The following SPATA25 variants were observed in gnomAD, a reference collection of about 807,000 sequenced individuals.
SPATA25 encodes spermatogenesis-associated protein 25.
SPATA25 carries 16 observed loss-of-function variants against 16.0 expected under a neutral mutation model. The observed-to-expected ratio is 1.00, with a 90% confidence interval of 0.68 to 1.52. SPATA25 has a LOEUF of 1.52. Among genes scored for constraint, SPATA25 ranks in the 40% most tolerant of loss-of-function variants. The probability of loss-of-function intolerance (pLI) is 0.00; values close to 1 mark genes in which losing one functional copy is unlikely to be tolerated. For synonymous variants in SPATA25, 115 were observed against 118.5 expected, an observed-to-expected ratio of 0.97 and a Z score of 0.19; for missense variants, 285 against 289.2, an observed-to-expected ratio of 0.99 and a Z score of 0.11.
At chr20:45,890,557 T>C (rs778420296), upstream of SPATA25, 9 of 1,611,686 alleles carry the variant, frequency 5.6e-6, no homozygotes, top group Admixed American at 5.0e-5. Context: ...TGCGCAGATA[T>C]GGTTCCACGA....
upstream of SPATA25, chr20:45,888,864 A>C (rs766740148): frequency 6.8e-6 from 11 of 1,614,114 alleles, no homozygotes; most frequent in Non-Finnish European, 9.3e-6. Flanking sequence ...CAGAGTCTGC[A>C]GGGATGGCAC....
At chr20:45,889,625 C>CTTTCT (rs1555831047), upstream of SPATA25, among the ~76,000 whole-genome samples, 170 of 149,220 alleles carry the variant, frequency 1.1e-3, 4 homozygotes, top group East Asian at 2.9e-3. Context: ...CTCTCTCTTT[C>CTTTCT]TTTTTTTTTT....
At chr20:45,888,127 C>T (rs149189132), upstream of SPATA25, among the ~76,000 whole-genome samples, 2,802 of 152,278 alleles carry the variant, frequency 0.018, 94 homozygotes, top group African/African-American at 0.065. Context: ...ATGCAATTCT[C>T]CTGCCTCAGC....
In SPATA25 at chr20:45,886,874, G is replaced by A; in HGVS notation, c.327C>T (p.Ser109=). 3.1e-6 allele frequency: 5 copies of A among 1,614,022 alleles called. No homozygotes were observed. The highest frequency in any genetic ancestry group is 4.2e-6 in the Non-Finnish European group (5 of 1,180,040). ...CACCCAGGTCAGGGGCTCTGCTTCT[G>A]GAGTAGCCATTGTCCCAGCCCAAGC... is the stretch of plus-strand genomic sequence containing the variant. ...LESLGWDNGY[S]RSRAPDLGGP... The change falls in exon 2 of 2, where the codon TCC becomes TCT. Residue 109 remains serine (S), a synonymous_variant. Coordinates refer to ENST00000372519, the MANE Select transcript of SPATA25 (RefSeq NM_080608.4).
At chr20:45,887,489 AG>A in intron 1 of SPATA25, 46 bp downstream of exon 1, 1 of 1,585,316 alleles carries the variant, frequency 6.3e-7, no homozygotes, top group Non-Finnish European at 8.6e-7. Context: ...GCAACTTCTC[AG>A]GGGAAGCTGC....
At chr20:45,890,608 C>G, upstream of SPATA25, 3 of 1,612,702 alleles carry the variant, frequency 1.9e-6, no homozygotes, top group Non-Finnish European at 2.5e-6. Flanking sequence ...CCTCCGCCTC[C>G]GGGCGGCCCT....
chr20:45,886,937 T>G lies in SPATA25; in HGVS notation c.264A>C (p.Arg88=), dbSNP rs752671899. Residue 88 remains arginine, a synonymous_variant, in exon 2 of 2, where the codon CGA becomes CGC. Coordinates refer to ENST00000372519, the MANE Select transcript of SPATA25 (RefSeq NM_080608.4). ...TCACATGCGGGAATTTGTGGCAGTT[T>G]CGGCTGTATTCCTTCCGTAGTGTCT... ...SWETLRKEYS[R]NCHKFPHVRQ... is the part of the protein sequence containing the mutation. 3 of 1,613,992 alleles carry G rather than the reference T, an allele frequency of 1.9e-6. No individual in the cohort carries two copies. The South Asian group carries it at 3.3e-5, about 18-fold the overall frequency.
chr20:45,889,088 C>T (rs995092151), upstream of SPATA25, among the ~76,000 whole-genome samples: 9 of 152,200 alleles, frequency 5.9e-5, no homozygotes, highest in Non-Finnish European at 1.0e-4. Context: ...ACACTTAGCA[C>T]AATCCCTTCC....
At position 45,887,133 on chromosome 20, in the gene SPATA25, G is replaced by A. The variant is rs763194935; in HGVS notation, c.68C>T (p.Ser23Phe). ...ACAGAGGCCAAGGGACAAGCCTGGA[G>A]AAGCAGCCCCACCTGCAGAGACAGG... ...PLPSGQGGAA[S>F]PGLSLGLCSP... The change falls in exon 2 of 2, where the codon TCT (serine) becomes TTT (phenylalanine). Residue 23 changes from serine to phenylalanine, a missense_variant. Physicochemically the swap from Ser to Phe is radical, Grantham distance 155. Transcript: ENST00000372519. 3.2e-6 allele frequency: 5 copies of A among 1,585,494 alleles called. No individual in the cohort carries two copies. The East Asian group carries it at 1.1e-4, about 36-fold the overall frequency.
chr20:45,886,945 A>T lies in SPATA25; in HGVS notation c.256T>A (p.Tyr86Asn). The T allele has an allele frequency of 6.2e-7, 1 of 1,613,978 alleles. No individual in the cohort carries two copies. The highest frequency in any genetic ancestry group is 8.5e-7 in the Non-Finnish European group (1 of 1,180,020). The change falls in exon 2 of 2, where the codon TAC (tyrosine) becomes AAC (asparagine). Residue 86 changes from tyrosine (Y) to asparagine (N), a missense_variant. Coordinates refer to ENST00000372519, the MANE Select transcript of SPATA25 (RefSeq NM_080608.4). ...GTSWETLRKE[Y>N]SRNCHKFPHV... ...GGGAATTTGTGGCAGTTTCGGCTGT[A>T]TTCCTTCCGTAGTGTCTCCCAGCTA...
At chr20:45,889,706 C>T (rs531963933), upstream of SPATA25, among the ~76,000 whole-genome samples, 97 of 149,666 alleles carry the variant, frequency 6.5e-4, no homozygotes, top group Non-Finnish European at 1.3e-3. Context: ...CTCCACCTCT[C>T]GGGTTCAAGT....
At chr20:45,888,876 G>A (rs1986592348), upstream of SPATA25, 1 of 1,614,110 alleles carries the variant, frequency 6.2e-7, no homozygotes, top group Non-Finnish European at 8.5e-7. Flanking sequence ...GGATGGCACT[G>A]TGGGAAGAAG....
In SPATA25 at chr20:45,886,881, C is replaced by T. The variant is rs62213321; in HGVS notation, c.320G>A (p.Gly107Asp). 3.1e-6 allele frequency: 5 copies of T among 1,614,008 alleles called. No individual in the cohort carries two copies. The highest frequency in any genetic ancestry group is 3.4e-6 in the Non-Finnish European group (4 of 1,180,046). ...RQLESLGWDNGYSRSRAPDLG... is the reference protein window; with the variant it reads ...RQLESLGWDNDYSRSRAPDLG... ...GTCAGGGGCTCTGCTTCTGGAGTAG[C>T]CATTGTCCCAGCCCAAGCTCTCCAG... Residue 107 changes from glycine to aspartate, a missense_variant, in exon 2 of 2, where the codon GGC (glycine) becomes GAC (aspartate). Coordinates refer to ENST00000372519, the MANE Select transcript of SPATA25 (RefSeq NM_080608.4).
At chr20:45,890,098 A>C, upstream of SPATA25, 1 of 790,204 alleles carries the variant, frequency 1.3e-6, no homozygotes, top group Non-Finnish European at 2.0e-6. Context: ...AGGCTTGTGC[A>C]AGATCACAAG....
intron 1 of SPATA25, 139 bp from the exon 2 acceptor site, chr20:45,887,284 G>T: frequency 9.3e-7 from 1 of 1,078,898 alleles, no homozygotes; most frequent in Non-Finnish European, 1.3e-6. Context: ...GGAACTAGGT[G>T]TTACTCATAT....
At chr20:45,890,622 G>A (rs755579511), upstream of SPATA25, 16 of 1,612,856 alleles carry the variant, frequency 9.9e-6, no homozygotes, top group Admixed American at 2.7e-4. Context: ...CGGCCCTCCC[G>A]GGGCACGCGG....
intron 1 of SPATA25, 101 bp downstream of exon 1, chr20:45,887,434 GC>G (rs1485429752): frequency 1.8e-6 from 2 of 1,127,232 alleles, no homozygotes; most frequent in Non-Finnish European, 1.3e-6. Flanking sequence ...TCTAGGGCCA[GC>G]CCCCAAATGC....
Position 45,886,930 on chromosome 20 carries a change from G to A in SPATA25, c.271C>T (p.His91Tyr), listed in dbSNP as rs759099569. 1.2e-5 allele frequency: 20 copies of A among 1,614,032 alleles called. No individual in the cohort carries two copies. Among genetic ancestry groups the A allele is most frequent in the Non-Finnish European group, 1.7e-6 (2 of 1,180,048 alleles). The change falls in exon 2 of 2, where the codon CAC (histidine) becomes TAC (tyrosine). Residue 91 changes from histidine to tyrosine, a missense_variant. By Grantham distance (83) the His-to-Tyr change is moderately conservative. Transcript: ENST00000372519. ...AGCTGCCTCACATGCGGGAATTTGTGGCAGTTTCGGCTGTATTCCTTCCGT... is the reference window on the plus strand; with the variant it reads ...AGCTGCCTCACATGCGGGAATTTGTAGCAGTTTCGGCTGTATTCCTTCCGT... ...TLRKEYSRNC[H>Y]KFPHVRQLES...
chr20:45,889,745 C>CT (rs1346352891), upstream of SPATA25, among the ~76,000 whole-genome samples: 1 of 152,026 alleles, frequency 6.6e-6, no homozygotes, highest in Non-Finnish European at 1.5e-5. Flanking sequence ...TTCTGAATAG[C>CT]TGGGATTATT....
Sources: allele counts gnomAD v4.1 joint callset (sites outside exome capture counted in the v4.1 genomes callset), GRCh38; gene constraint gnomAD v4.1.1; transcripts MANE v1.5; gene names NCBI Gene and HGNC (gene_info 2026-07-23, HGNC 2026-07-21).